UGT2B15: variants seen among roughly 807,000 people sequenced by gnomAD.
UGT2B15 encodes the protein UDP glucuronosyltransferase family 2 member B15.
In UGT2B15, 36 loss-of-function variants were observed where a neutral mutation model predicts 45.9. The ratio of observed to expected loss-of-function variants is 0.78; its 90% CI spans 0.60 to 1.04. The LOEUF is 1.04. Ranked by LOEUF, UGT2B15 falls within the 50% of genes least tolerant of loss-of-function variation. UGT2B15 has a pLI of 0.00. For synonymous variants in UGT2B15, 219 were observed against 216.4 expected, an observed-to-expected ratio of 1.01 and a Z score of -0.11; for missense variants, 617 against 622.4, an observed-to-expected ratio of 0.99 and a Z score of 0.09.
At chr4:68,651,356 C>T (rs776690317) in intron 5 of UGT2B15, among the ~76,000 whole-genome samples, 36 of 152,028 alleles carry the variant, frequency 2.4e-4, no homozygotes, top group Admixed American at 2.6e-4. Flanking sequence ...GACTAGTTTC[C>T]GTTTTCTGCG....
intron 3 of UGT2B15, among the ~76,000 whole-genome samples, chr4:68,660,008 A>G (rs904251901): frequency 6.7e-6 from 1 of 150,298 alleles, no homozygotes; most frequent in African/African-American, 2.4e-5. Context: ...TCCTATGAAA[A>G]AAATTTAGAA....
At chr4:68,669,349 G>A (rs10032861) in intron 1 of UGT2B15, among the ~76,000 whole-genome samples, 23,792 of 152,000 alleles carry the variant, frequency 0.16, 2,170 homozygotes, top group Non-Finnish European at 0.22. Flanking sequence ...TTGAAGGAAT[G>A]TATAAACATT....
intron 2 of UGT2B15, among the ~76,000 whole-genome samples, chr4:68,665,551 G>A (rs973967666): frequency 9.2e-5 from 14 of 152,014 alleles, no homozygotes; most frequent in African/African-American, 2.9e-4. Flanking sequence ...TTTCATGTGA[G>A]TATATTATAA....
At chr4:68,664,257 T>C (rs1245528164) in intron 2 of UGT2B15, among the ~76,000 whole-genome samples, 1 of 93,478 alleles carries the variant, frequency 1.1e-5, no homozygotes, top group Non-Finnish European at 2.3e-5. Context: ...GCTCAATGTA[T>C]TCTCACACCA....
chr4:68,664,725 C>G (rs1484482616), intron 2 of UGT2B15, among the ~76,000 whole-genome samples: 2 of 151,984 alleles, frequency 1.3e-5, no homozygotes, highest in Non-Finnish European at 2.9e-5. Context: ...TGCCACCACG[C>G]CTGGCTAATT....
intron 3 of UGT2B15, among the ~76,000 whole-genome samples, chr4:68,662,402 T>TC (rs1234660331): frequency 6.6e-6 from 1 of 151,576 alleles, no homozygotes; most frequent in Non-Finnish European, 1.5e-5. Flanking sequence ...TTTTTTTTTT[T>TC]TCTCTAAATC....
At chr4:68,654,990 T>C in intron 4 of UGT2B15, 105 bp downstream of exon 4, 2 of 1,377,866 alleles carry the variant, frequency 1.5e-6, no homozygotes, top group Non-Finnish European at 2.0e-6. Flanking sequence ...ATTTGTTTTT[T>C]AGTTTTCCAA....
chr4:68,656,587 G>A (rs1240292662), intron 3 of UGT2B15, among the ~76,000 whole-genome samples: 1 of 152,038 alleles, frequency 6.6e-6, no homozygotes, highest in African/African-American at 2.4e-5. Context: ...CTTGGTTTCT[G>A]TGTTTGCTTC....
chr4:68,659,094 CA>C (rs1323018024), intron 3 of UGT2B15, among the ~76,000 whole-genome samples: 4 of 151,936 alleles, frequency 2.6e-5, no homozygotes, highest in African/African-American at 9.7e-5. Flanking sequence ...ATCTTATGGT[CA>C]AGATTAGAAT....
At chr4:68,664,557 T>G (rs1578199949) in intron 2 of UGT2B15, among the ~76,000 whole-genome samples, 2 of 151,580 alleles carry the variant, frequency 1.3e-5, no homozygotes, top group Admixed American at 1.3e-4. Flanking sequence ...AAATATAATT[T>G]AACTTTATGA....
intron 2 of UGT2B15, among the ~76,000 whole-genome samples, chr4:68,666,411 AAAT>A (rs1237168028): frequency 6.6e-6 from 1 of 152,120 alleles, no homozygotes; most frequent in African/African-American, 2.4e-5. Context: ...ATAATGACTG[AAAT>A]AATCATAATA....
At chr4:68,657,389 G>A (rs2109826705) in intron 3 of UGT2B15, among the ~76,000 whole-genome samples, 1 of 152,284 alleles carries the variant, frequency 6.6e-6, no homozygotes, top group East Asian at 1.9e-4. Context: ...TCTGGAGAGA[G>A]AAACTGAGAC....
At chr4:68,650,805 G>C (rs566741633) in intron 5 of UGT2B15, among the ~76,000 whole-genome samples, 6 of 151,890 alleles carry the variant, frequency 4.0e-5, no homozygotes, top group Non-Finnish European at 8.8e-5. Flanking sequence ...GCTTCACCAG[G>C]ATCTGTTGTT....
chr4:68,670,357 C>A lies in UGT2B15; in HGVS notation c.262G>T (p.Asp88Tyr). The A allele has an allele frequency of 6.2e-7, 1 of 1,613,188 alleles. No individual in the cohort carries two copies. Among genetic ancestry groups the A allele is most frequent in the Non-Finnish European group, 8.5e-7 (1 of 1,179,820 alleles). ...CTATCGAGAATTTTCAGAAGAGAAT[C>A]TTCCAAATAATTTTTAGTTAAAGAT... ...PTSLTKNYLE[D>Y]SLLKILDRWI... The change falls in exon 1 of 6, where the codon GAT becomes TAT. Residue 88 changes from aspartate to tyrosine, a missense_variant. Asp to Tyr is a radical substitution (Grantham distance 160). Around this residue, in one of 3 missense-constraint regions of UGT2B15, gnomAD observed 351 missense variants for 342.1 expected, o/e 1.03. Transcript: ENST00000338206.
intron 3 of UGT2B15, among the ~76,000 whole-genome samples, chr4:68,656,382 A>G (rs940125738): frequency 1.1e-5 from 1 of 91,172 alleles, no homozygotes; most frequent in Admixed American, 1.7e-4. Context: ...TAGTGATCAC[A>G]TTTCTGGGAT....
In UGT2B15 at chr4:68,650,388, G is replaced by A. The variant is rs1196991030; in HGVS notation, c.1314-3005C>T. On this transcript the variant is annotated intron_variant, in intron 5 of 5. Transcript: ENST00000338206. ...TTGTTCAACTCCCTCTTATAAGTGAGAACATGTGGTGTTTGGTTTTCTGTT... is the reference window on the plus strand; with the variant it reads ...TTGTTCAACTCCCTCTTATAAGTGAAAACATGTGGTGTTTGGTTTTCTGTT... Among the ~76,000 whole-genome samples the A allele has an allele frequency of 1.2e-4, 19 of 152,132 alleles. No individual in the cohort carries two copies. In the South Asian group the frequency reaches 3.7e-3, roughly 30 times the overall value.
In UGT2B15 at chr4:68,661,791, G is replaced by A. The variant is rs888732823; in HGVS notation, c.1005+1217C>T. On this transcript the variant is annotated intron_variant, in intron 3 of 5. Transcript: ENST00000338206. ...TATCAGTATTGCTACTTTTGTAAATGCTAACAATGTAGGAAAAAGGAGCCC... is the reference window on the plus strand; with the variant it reads ...TATCAGTATTGCTACTTTTGTAAATACTAACAATGTAGGAAAAAGGAGCCC... 3.3e-5 allele frequency among the ~76,000 whole-genome samples: 5 copies of A among 152,084 alleles called. 1 individual carries two copies. Among genetic ancestry groups the A allele is most frequent in the African/African-American group, 1.2e-4 (5 of 41,422 alleles).
intron 3 of UGT2B15, among the ~76,000 whole-genome samples, chr4:68,656,331 A>G (rs1407820168): frequency 1.3e-5 from 2 of 151,868 alleles, no homozygotes; most frequent in African/African-American, 2.4e-5. Flanking sequence ...TTAATGTTTA[A>G]CAACTAGCTG....
At chr4:68,651,034 G>A (rs1416930717) in intron 5 of UGT2B15, among the ~76,000 whole-genome samples, 1 of 46,838 alleles carries the variant, frequency 2.1e-5, no homozygotes, top group African/African-American at 6.6e-5. Flanking sequence ...TAACTTTCTT[G>A]TAGATTCCGG....
Sources: gnomAD v4.1 joint callset for allele counts (sites outside exome capture counted in the v4.1 genomes callset) on GRCh38, gnomAD v4.1.1 for gene constraint, gnomAD v4.1.1 regional missense constraint, MANE v1.5 for transcripts, NCBI Gene and HGNC (gene_info 2026-07-23, HGNC 2026-07-21) for gene names.